LETM1: variants seen among roughly 807,000 people sequenced by gnomAD.
LETM1 encodes leucine zipper and EF-hand containing transmembrane protein 1.
A neutral mutation model predicts 74.5 loss-of-function variants in LETM1; 50 were observed. The ratio of observed to expected loss-of-function variants is 0.67; its 90% confidence interval spans 0.53 to 0.85. The LOEUF is 0.85. LETM1 is among the 40% of genes least tolerant of loss of function. The pLI is 0.00. For synonymous variants in LETM1, 446 were observed against 407.1 expected, an observed-to-expected ratio of 1.10 and a Z score of -1.15; for missense variants, 824 against 967.8, an observed-to-expected ratio of 0.85 and a Z score of 1.97.
At position 1,841,700 on chromosome 4, in the gene LETM1, G is replaced by T; in HGVS notation, c.241C>A (p.Arg81Ser). ...GTCCATGGCGCTCTCGACACTATGC[G>T]AAGGCACTCGGGCCTCAGAGCCCAA... is the stretch of plus-strand genomic sequence containing the variant. Reference protein sequence around the residue: ...GCWALRPECLRIVSRAPWTST... With the variant: ...GCWALRPECLSIVSRAPWTST... Residue 81 changes from arginine (R) to serine (S), a missense_variant, in exon 3 of 14, where the codon CGC becomes AGC. By Grantham distance (110) the Arg-to-Ser change is moderately radical. Around this residue, in one of 4 missense-constraint regions of LETM1, gnomAD observed 222 missense variants for 195.6 expected, o/e 1.14. Coordinates refer to ENST00000302787, the MANE Select transcript of LETM1 (RefSeq NM_012318.3). 1 of 1,614,192 alleles carries T rather than the reference G, an allele frequency of 6.2e-7. No homozygotes were observed. Among genetic ancestry groups the T allele is most frequent in the South Asian group, 1.1e-5 (1 of 91,088 alleles).
chr4:1,854,795 AAAAC>A lies in LETM1; in HGVS notation c.82+1070_82+1073del, dbSNP rs1024518975. 1.7e-4 allele frequency among the ~76,000 whole-genome samples: 26 copies of A among 152,214 alleles called. 2 individuals are homozygous for A. In the South Asian group the frequency reaches 3.5e-3, roughly 21 times the overall value. On this transcript the variant is annotated intron_variant, in intron 1 of 13. Coordinates refer to ENST00000302787, the MANE Select transcript of LETM1 (RefSeq NM_012318.3). ...GCAACAGATTGAGACTCTGTCTTTA[AAAAC>A]AAACAAACAAACAAACAAAAAAAAA...
intron 2 of LETM1, among the ~76,000 whole-genome samples, chr4:1,848,408 C>T (rs765177292): frequency 4.4e-4 from 67 of 151,556 alleles, no homozygotes; most frequent in Admixed American, 1.2e-3. Flanking sequence ...ATTAGCCGGG[C>T]GTGGTGGCGG....
intron 12 of LETM1, 28 bp downstream of exon 12, chr4:1,816,699 C>T (rs1477281157): frequency 1.2e-6 from 2 of 1,603,256 alleles, no homozygotes; most frequent in South Asian, 1.1e-5. Context: ...GTCTCCGATC[C>T]CTCTCCCGCG....
chr4:1,823,594 G>T, intron 8 of LETM1, 50 bp downstream of exon 8: 1 of 1,607,680 alleles, frequency 6.2e-7, no homozygotes, highest in South Asian at 1.1e-5. Flanking sequence ...CCAGAAGAGC[G>T]GAGCCACCTA....
At chr4:1,855,633 C>A (rs1016053133) in intron 1 of LETM1, among the ~76,000 whole-genome samples, 2 of 152,238 alleles carry the variant, frequency 1.3e-5, no homozygotes, top group African/African-American at 4.8e-5. Flanking sequence ...AGGCAGTGAC[C>A]CGGGGGACCC....
intron 10 of LETM1, among the ~76,000 whole-genome samples, chr4:1,820,625 G>A (rs997264714): frequency 3.9e-5 from 6 of 152,246 alleles, no homozygotes; most frequent in Admixed American, 3.9e-4. Flanking sequence ...CAGGACATCT[G>A]CATATCAGGA....
chr4:1,836,795 G>A lies in LETM1; in HGVS notation c.595-223C>T, dbSNP rs1712475467. Among the ~76,000 whole-genome samples the A allele has an allele frequency of 6.6e-6, 1 of 152,240 alleles. No individual in the cohort carries two copies. Among genetic ancestry groups the A allele is most frequent in the African/African-American group, 2.4e-5 (1 of 41,540 alleles). On this transcript the variant is annotated intron_variant, in intron 3 of 13. Coordinates refer to ENST00000302787, the MANE Select transcript of LETM1 (RefSeq NM_012318.3). The surrounding 1 kb of genome is among the most constrained non-coding windows in gnomAD (Gnocchi z 5.8). ...TACCAGCAGCCTCCAGAAAAGCAGG[G>A]TATGGTGCTGACACCAAGGGCCACT... is the stretch of plus-strand genomic sequence containing the variant.
intron 13 of LETM1, 73 bp from the exon 14 acceptor site, chr4:1,814,646 G>A (rs1242048744): frequency 3.2e-5 from 42 of 1,319,966 alleles, no homozygotes; most frequent in Non-Finnish European, 3.9e-5. Flanking sequence ...CGGGGCCAGC[G>A]CCGTCAGTCG....
Position 1,841,328 on chromosome 4 carries a change from C to T in LETM1, c.594+19G>A, listed in dbSNP as rs748112551. ...ATAGAGCAAGAAAGAAAAGAAAGGA[C>T]TAGACATGTCCCCATTACCTGCCTG... is the stretch of plus-strand genomic sequence containing the variant. On this transcript the variant is annotated intron_variant, in intron 3 of 13. Transcript: ENST00000302787. The T allele has an allele frequency of 9.7e-5, 156 of 1,604,740 alleles. 1 individual carries two copies. Among genetic ancestry groups the T allele is most frequent in the Non-Finnish European group, 1.3e-4 (155 of 1,173,270 alleles).
chr4:1,815,880 C>CT (rs1348013915), intron 12 of LETM1, 78 bp from the exon 13 acceptor site: 1 of 1,563,198 alleles, frequency 6.4e-7, no homozygotes, highest in Non-Finnish European at 8.7e-7. Context: ...CCTGTGGCTG[C>CT]AAGTGGTCAG....
Position 1,841,721 on chromosome 4 carries a change from C to T in LETM1, c.220G>A (p.Ala74Thr), listed in dbSNP as rs1354401046. 3.1e-6 allele frequency: 5 copies of T among 1,614,174 alleles called. No homozygotes were observed. The highest frequency in any genetic ancestry group is 1.1e-5 in the South Asian group (1 of 91,088). The change falls in exon 3 of 14, where the codon GCT (alanine) becomes ACT (threonine). Residue 74 changes from alanine (A) to threonine (T), a missense_variant. Transcript: ENST00000302787. Reference sequence around the variant, plus strand: ...ATGCGAAGGCACTCGGGCCTCAGAGCCCAACAGCCGAGGTGATCGCCTCTG... The same window carrying T: ...ATGCGAAGGCACTCGGGCCTCAGAGTCCAACAGCCGAGGTGATCGCCTCTG... ...SSRGDHLGCW[A>T]LRPECLRIVS... is the part of the protein sequence containing the mutation.
At chr4:1,827,300 AT>A (rs1255245863) in intron 6 of LETM1, among the ~76,000 whole-genome samples, 1 of 77,604 alleles carries the variant, frequency 1.3e-5, no homozygotes, top group African/African-American at 5.1e-5. Context: ...TTTTTAATTT[AT>A]TTTTTTATTG....
At chr4:1,837,217 C>T (rs1452297016) in intron 3 of LETM1, among the ~76,000 whole-genome samples, 1 of 152,104 alleles carries the variant, frequency 6.6e-6, no homozygotes, top group East Asian at 1.9e-4. Flanking sequence ...CATGTAGTTC[C>T]TACGTTTCCT....
At chr4:1,832,371 A>C (rs1161169208) in intron 6 of LETM1, among the ~76,000 whole-genome samples, 3 of 152,278 alleles carry the variant, frequency 2.0e-5, no homozygotes, top group East Asian at 3.9e-4. Flanking sequence ...GGCGTGAAGC[A>C]CAGAGGCAAG....
rs1486488715 is a variant in LETM1 at position 1,828,707 on chromosome 4, G to C, written c.1081-3024C>G. 3.0e-5 allele frequency among the ~76,000 whole-genome samples: 4 copies of C among 131,492 alleles called. 1 individual carries two copies. The highest frequency in any genetic ancestry group is 6.0e-5 in the African/African-American group (2 of 33,318). 86.3% of individuals were successfully genotyped at this position (131,492 alleles called of 152,430 possible). On this transcript the variant is annotated intron_variant, in intron 6 of 13. Coordinates refer to ENST00000302787, the MANE Select transcript of LETM1 (RefSeq NM_012318.3). ...GGCTGACCCCCCAACCTCCCTCCCG[G>C]ATGGGGCGGCTGGCCGGGCAGAGGG...
intron 10 of LETM1, among the ~76,000 whole-genome samples, chr4:1,820,520 G>C (rs1711740144): frequency 6.6e-6 from 1 of 152,192 alleles, no homozygotes; most frequent in Non-Finnish European, 1.5e-5. Flanking sequence ...AGTGAGGACA[G>C]ACAACCTCAT....
rs768390058 is a variant in LETM1 at position 1,836,438 on chromosome 4, C to T, written c.729G>A (p.Gln243=). Residue 243 remains glutamine, a synonymous_variant, in exon 4 of 14, where the codon CAG becomes CAA. Coordinates refer to ENST00000302787, the MANE Select transcript of LETM1 (RefSeq NM_012318.3). This position sits in a 1 kb window ranked among gnomAD's most constrained non-coding sequence, Gnocchi z 5.8. ...PNMLPSTFET[Q]SLKEERLKKE... ...GGGATGCTGCCCTTACCTTGAGTGA[C>T]TGAGTCTCAAATGTGGATGGCAACA... 5 of 1,613,826 alleles carry T rather than the reference C, an allele frequency of 3.1e-6. No homozygotes were observed. The African/African-American group carries it at 6.7e-5, about 22-fold the overall frequency.
chr4:1,835,243 G>C (rs906994878), intron 4 of LETM1, among the ~76,000 whole-genome samples: 1 of 152,148 alleles, frequency 6.6e-6, no homozygotes, highest in Non-Finnish European at 1.5e-5. Context: ...TCAGGAGTTT[G>C]AGACCAGCCT....
Position 1,836,640 on chromosome 4 carries a change from AT to A in LETM1, c.595-69del. On this transcript the variant is annotated intron_variant, in intron 3 of 13. Coordinates refer to ENST00000302787, the MANE Select transcript of LETM1 (RefSeq NM_012318.3). This position sits in a 1 kb window ranked among gnomAD's most constrained non-coding sequence, Gnocchi z 5.8. The stretch of plus-strand genomic sequence containing the variant: ...GGGAACAAGGGCAAGGGGTGTGAGC[AT>A]TTCTCCTATAATGGTTTATAGGCAC... 6.4e-7 allele frequency: 1 copy of A among 1,553,144 alleles called. No individual in the cohort carries two copies.
Sources: allele counts gnomAD v4.1 joint callset (sites outside exome capture counted in the v4.1 genomes callset), GRCh38; gene constraint gnomAD v4.1.1; regional missense constraint gnomAD v4.1.1; non-coding constraint Gnocchi (gnomAD v3.1); transcripts MANE v1.5; gene names NCBI Gene and HGNC (gene_info 2026-07-23, HGNC 2026-07-21).